Variants in GNA14 observed in about 807,000 individuals in gnomAD.
GNA14 encodes G protein subunit alpha 14.
A neutral mutation model predicts 42.0 loss-of-function variants in GNA14; 50 were observed. The ratio of observed to expected loss-of-function variants is 1.19; its 90% CI spans 0.95 to 1.51. The LOEUF is 1.51. Ranked by LOEUF, GNA14 falls within the 40% of genes most tolerant of loss-of-function variation. The probability of loss-of-function intolerance (pLI) is 0.00; values close to 1 mark genes in which losing one functional copy is unlikely to be tolerated. For synonymous variants in GNA14, 173 were observed against 163.1 expected (o/e 1.06, Z -0.46); for missense variants, 473 against 446.2 (o/e 1.06, Z -0.54).
intron 1 of GNA14, among the ~76,000 whole-genome samples, chr9:77,535,537 G>A (rs529445045): frequency 6.6e-6 from 1 of 152,100 alleles, no homozygotes; most frequent in African/African-American, 2.4e-5. Context: ...CGACATGCGA[G>A]ACTCTGTCTA....
chr9:77,641,556 A>T (rs1824267950), intron 1 of GNA14, among the ~76,000 whole-genome samples: 1 of 151,342 alleles, frequency 6.6e-6, no homozygotes, highest in African/African-American at 2.4e-5. Context: ...GTTAAATCCC[A>T]AATGAGAAAC....
At chr9:77,533,361 G>A (rs770661624) in intron 1 of GNA14, among the ~76,000 whole-genome samples, 2 of 152,144 alleles carry the variant, frequency 1.3e-5, no homozygotes, top group Non-Finnish European at 2.9e-5. Context: ...TGTATTTTTA[G>A]TAGAGACAGG....
intron 2 of GNA14, among the ~76,000 whole-genome samples, chr9:77,436,036 G>A (rs142638779): frequency 2.2e-4 from 33 of 152,312 alleles, no homozygotes; most frequent in East Asian, 1.3e-3. Context: ...TTTATTGTGC[G>A]TTGTTCATCC....
chr9:77,529,090 C>T lies in GNA14; in HGVS notation c.288G>A (p.Gln96=), dbSNP rs36075165. ...TTACCTTATTCTGTTCACACACATA[C>T]TGTATCCTTAGCGTGTCCATCGCTC... is the stretch of plus-strand genomic sequence containing the variant. ...MIRAMDTLRI[Q]YVCEQNKENA... is the part of the protein sequence containing the mutation. Residue 96 remains glutamine (Q), a synonymous_variant, in exon 2 of 7, where the codon CAG becomes CAA. Coordinates refer to ENST00000341700, the MANE Select transcript of GNA14 (RefSeq NM_004297.4). 8.3e-4 allele frequency: 1,343 copies of T among 1,614,130 alleles called. 7 individuals are homozygous for T. The African/African-American group carries it at 0.016, about 20-fold the overall frequency.
At chr9:77,447,159 G>A (rs966828349) in intron 2 of GNA14, among the ~76,000 whole-genome samples, 3 of 152,072 alleles carry the variant, frequency 2.0e-5, no homozygotes, top group Admixed American at 6.6e-5. Context: ...TAGCCAGGCT[G>A]GTCTCCAACT....
chr9:77,477,698 T>A (rs535277937), intron 2 of GNA14, among the ~76,000 whole-genome samples: 1 of 152,210 alleles, frequency 6.6e-6, no homozygotes, highest in African/African-American at 2.4e-5. Flanking sequence ...ATGAAGCTAT[T>A]TGAGGGAAGC....
chr9:77,602,801 A>G (rs1823589753), intron 1 of GNA14, among the ~76,000 whole-genome samples: 1 of 152,194 alleles, frequency 6.6e-6, no homozygotes, highest in Admixed American at 6.5e-5. Context: ...GATCTGTGCA[A>G]TTGCACAGGG....
At position 77,648,204 on chromosome 9, in the gene GNA14, C is replaced by T. The variant is rs865906437; in HGVS notation, c.-411G>A. 1 of 248,332 alleles carries T rather than the reference C, an allele frequency of 4.0e-6. No homozygotes were observed. Among genetic ancestry groups the T allele is most frequent in the African/African-American group, 2.3e-5 (1 of 42,660 alleles). 15.4% of individuals were successfully genotyped at this position (248,332 alleles called of 1,614,324 possible). A position where few individuals can be genotyped will look rare whatever the true frequency, so the allele number is the denominator to read the frequency against. On this transcript the variant is annotated 5_prime_UTR_variant, in exon 1 of 7. Coordinates refer to ENST00000341700, the MANE Select transcript of GNA14 (RefSeq NM_004297.4). ...CGGGGGAGAGTAGGATCTCCTGGGCCTAGGGGTGTCCCCAGGCGGGAGGTA... is the reference window on the plus strand; with the variant it reads ...CGGGGGAGAGTAGGATCTCCTGGGCTTAGGGGTGTCCCCAGGCGGGAGGTA...
At chr9:77,571,784 T>C (rs1312104298) in intron 1 of GNA14, among the ~76,000 whole-genome samples, 1 of 151,836 alleles carries the variant, frequency 6.6e-6, no homozygotes, top group Non-Finnish European at 1.5e-5. Context: ...TTAAGTGCTG[T>C]GAATACACAG....
At chr9:77,634,639 A>G (rs1043564627) in intron 1 of GNA14, among the ~76,000 whole-genome samples, 4 of 152,142 alleles carry the variant, frequency 2.6e-5, no homozygotes, top group African/African-American at 9.7e-5. Flanking sequence ...TCCAAAAAAA[A>G]TCAATTCTGG....
intron 1 of GNA14, among the ~76,000 whole-genome samples, chr9:77,606,101 CAG>C (rs1399039873): frequency 2.0e-5 from 3 of 152,126 alleles, no homozygotes; most frequent in African/African-American, 7.2e-5. Flanking sequence ...TGAAATGAAA[CAG>C]AAACATTTTA....
intron 1 of GNA14, among the ~76,000 whole-genome samples, chr9:77,569,946 T>A (rs1823036671): frequency 1.3e-5 from 2 of 152,026 alleles, no homozygotes; most frequent in Non-Finnish European, 2.9e-5. Flanking sequence ...TTTGTATTTT[T>A]AGTAGAGACG....
chr9:77,616,933 G>A (rs923361968), intron 1 of GNA14, among the ~76,000 whole-genome samples: 5 of 151,904 alleles, frequency 3.3e-5, no homozygotes, highest in South Asian at 2.1e-4. Context: ...GTGGTGGCAC[G>A]ATCTTGGCTC....
In GNA14 at chr9:77,489,904, C is replaced by G. The variant is rs191605296; in HGVS notation, c.309+39165G>C. On this transcript the variant is annotated intron_variant, in intron 2 of 6. Transcript: ENST00000341700. Reference sequence around the variant, plus strand: ...AAGCTTCCACAATGTGGAAGGGGACCGGAGCAGGTTGCCACTGGCAGCCTG... The same window carrying G: ...AAGCTTCCACAATGTGGAAGGGGACGGGAGCAGGTTGCCACTGGCAGCCTG... 1.2e-3 allele frequency among the ~76,000 whole-genome samples: 184 copies of G among 152,172 alleles called. 3 individuals are homozygous for G. In the East Asian group the frequency reaches 0.029, roughly 24 times the overall value.
At chr9:77,632,561 C>T (rs1824115917) in intron 1 of GNA14, among the ~76,000 whole-genome samples, 1 of 152,198 alleles carries the variant, frequency 6.6e-6, no homozygotes, top group African/African-American at 2.4e-5. Flanking sequence ...AGAGCTGTGG[C>T]CCTTTGAGGA....
intron 2 of GNA14, among the ~76,000 whole-genome samples, chr9:77,444,364 T>C (rs932281570): frequency 2.0e-5 from 3 of 152,164 alleles, no homozygotes; most frequent in African/African-American, 2.4e-5. Flanking sequence ...CTCCACATCA[T>C]GGGTCAGCTT....
intron 2 of GNA14, among the ~76,000 whole-genome samples, chr9:77,527,224 C>T (rs900333557): frequency 4.6e-5 from 7 of 152,106 alleles, no homozygotes; most frequent in Admixed American, 2.0e-4. Context: ...CCACAGAAAG[C>T]CTAATTTTTA....
chr9:77,443,332 G>A (rs1003499341), intron 2 of GNA14, among the ~76,000 whole-genome samples: 13 of 151,986 alleles, frequency 8.6e-5, no homozygotes, highest in African/African-American at 3.1e-4. Flanking sequence ...TAAAAAAATG[G>A]ATTTCCAGCT....
chr9:77,437,636 AAAAAG>A (rs1835660230), intron 2 of GNA14, among the ~76,000 whole-genome samples: 1 of 152,050 alleles, frequency 6.6e-6, no homozygotes, highest in Non-Finnish European at 1.5e-5. Flanking sequence ...GAAAGAAAGA[AAAAAG>A]GAAGGAAGGA....
Sources: allele counts gnomAD v4.1 joint callset (sites outside exome capture counted in the v4.1 genomes callset), GRCh38; gene constraint gnomAD v4.1.1; transcripts MANE v1.5; gene names NCBI Gene and HGNC (gene_info 2026-07-23, HGNC 2026-07-21).